The following ABCB1 variants were observed in gnomAD, a reference collection of about 807,000 sequenced individuals.
ABCB1 encodes the protein ATP-dependent translocase ABCB1.
ABCB1 carries 69 observed loss-of-function variants against 142.0 expected under a neutral mutation model. The ratio of observed to expected loss-of-function variants is 0.49; its 90% confidence interval spans 0.40 to 0.59. The LOEUF (loss-of-function observed/expected upper bound fraction) is 0.59, where lower values mean the gene tolerates loss of function less well. Ranked by LOEUF, ABCB1 falls within the 20% of genes least tolerant of loss-of-function variation. ABCB1 has a pLI of 0.00. For synonymous variants in ABCB1, 532 were observed against 539.2 expected, an observed-to-expected ratio of 0.99 and a Z score of 0.18; for missense variants, 1,326 against 1,554.7, an observed-to-expected ratio of 0.85 and a Z score of 2.47.
intron 3 of ABCB1, among the ~76,000 whole-genome samples, chr7:87,589,810 G>GAGAGAGAGAC (rs1818914383): frequency 1.4e-5 from 2 of 141,822 alleles, no homozygotes; most frequent in Non-Finnish European, 3.1e-5. Flanking sequence ...AGAGAGGAGA[G>GAGAGAGAGAC]AGAGAGAGAG....
intron 4 of ABCB1, among the ~76,000 whole-genome samples, chr7:87,573,476 G>T (rs1214052345): frequency 6.6e-6 from 1 of 152,122 alleles, no homozygotes; most frequent in Non-Finnish European, 1.5e-5. Context: ...CCTCTTCACA[G>T]TTAATGCTCT....
chr7:87,523,896 A>T (rs531881677), intron 21 of ABCB1, among the ~76,000 whole-genome samples: 1 of 152,292 alleles, frequency 6.6e-6, no homozygotes, highest in South Asian at 2.1e-4. Context: ...TTTAAGAGAA[A>T]TAACTTCCAG....
intron 14 of ABCB1, among the ~76,000 whole-genome samples, chr7:87,548,406 G>T (rs558742650): frequency 1.1e-3 from 175 of 152,202 alleles, no homozygotes; most frequent in African/African-American, 4.2e-3. Flanking sequence ...AAAACACAGA[G>T]ATGAAATCAC....
chr7:87,684,746 C>CAA lies in ABCB1; in HGVS notation c.-331+28413_-331+28414dup, dbSNP rs71524694. Among the ~76,000 whole-genome samples, 90 of 37,776 alleles carry CAA rather than the reference C, an allele frequency of 2.4e-3. 17 individuals carry two copies. The highest frequency in any genetic ancestry group is 0.025 in the Middle Eastern group (1 of 40). The allele number at this position is 37,776 out of a possible 152,430, so 24.8% of individuals were successfully genotyped here. On this transcript the variant is annotated intron_variant, in intron 1 of 28. Transcript: ENST00000265724. Reference sequence around the variant, plus strand: ...CTGGTGACAGAGTGAGACTCCGTCTCAAAAAAAAAAAAAAAAAAAAAAAAA... The same window carrying CAA: ...CTGGTGACAGAGTGAGACTCCGTCTCAAAAAAAAAAAAAAAAAAAAAAAAAAA...
At chr7:87,638,666 T>C (rs1822090908) in intron 1 of ABCB1, among the ~76,000 whole-genome samples, 1 of 152,070 alleles carries the variant, frequency 6.6e-6, no homozygotes, top group South Asian at 2.1e-4. Flanking sequence ...CTTTTTATTG[T>C]TTGAAAGATC....
At chr7:87,548,460 C>A (rs1001071492) in intron 14 of ABCB1, among the ~76,000 whole-genome samples, 5 of 152,288 alleles carry the variant, frequency 3.3e-5, no homozygotes, top group Admixed American at 3.3e-4. Context: ...AGAATCCCAT[C>A]GGCCTCTATT....
intron 4 of ABCB1, among the ~76,000 whole-genome samples, chr7:87,579,757 G>A (rs969879773): frequency 6.6e-5 from 10 of 151,868 alleles, no homozygotes; most frequent in African/African-American, 2.4e-4. Flanking sequence ...TTTAGTGAAG[G>A]TGATCTTCTC....
intron 1 of ABCB1, among the ~76,000 whole-genome samples, chr7:87,610,813 T>C (rs568802573): frequency 1.3e-5 from 2 of 152,342 alleles, no homozygotes; most frequent in East Asian, 3.9e-4. Context: ...TGCCCCCACA[T>C]TGGCTTCTCA....
chr7:87,615,639 A>G (rs1281052237), intron 1 of ABCB1, among the ~76,000 whole-genome samples: 1 of 152,228 alleles, frequency 6.6e-6, no homozygotes, highest in Non-Finnish European at 1.5e-5. Flanking sequence ...AAAAGTGCTT[A>G]GACTCTGGAT....
chr7:87,611,616 C>T (rs1199901997), intron 1 of ABCB1, among the ~76,000 whole-genome samples: 1 of 151,186 alleles, frequency 6.6e-6, no homozygotes, highest in Non-Finnish European at 1.5e-5. Flanking sequence ...TTTATCCAAT[C>T]CACTGTTAAT....
intron 3 of ABCB1, among the ~76,000 whole-genome samples, chr7:87,590,000 T>G (rs1466682689): frequency 6.6e-6 from 1 of 152,170 alleles, no homozygotes; most frequent in Non-Finnish European, 1.5e-5. Context: ...TAGAAGGTAC[T>G]GACAGGAGAG....
intron 1 of ABCB1, among the ~76,000 whole-genome samples, chr7:87,626,171 ATAT>A (rs1180204465): frequency 3.0e-5 from 4 of 135,270 alleles, no homozygotes; most frequent in Non-Finnish European, 4.7e-5. Context: ...TGTGTCATAT[ATAT>A]TGTCATATAT....
intron 1 of ABCB1, among the ~76,000 whole-genome samples, chr7:87,609,168 C>T (rs1285780110): frequency 6.6e-6 from 1 of 151,868 alleles, no homozygotes; most frequent in Admixed American, 6.6e-5. Flanking sequence ...GTGGAAGTAC[C>T]AGGTGGGCAA....
In ABCB1 at chr7:87,566,105, GA is replaced by G; in HGVS notation, c.666del (p.Pro223LeufsTer23). On this transcript the variant is annotated frameshift_variant, in exon 7 of 28. Transcript: ENST00000622132. LOFTEE classifies it high-confidence loss of function. The stretch of plus-strand genomic sequence containing the variant: ...ACAGCAGCTGACAGTCCAAGAACAG[GA>G]CTGATGGCCAAAATCACAAGGGTTA... The part of the protein sequence containing the change: ...WKLTLVILAI[S>X]PVLGLSAAVW... 6.2e-7 allele frequency: 1 copy of G among 1,614,184 alleles called. No homozygotes were observed. The highest frequency in any genetic ancestry group is 8.5e-7 in the Non-Finnish European group (1 of 1,180,032).
intron 25 of ABCB1, among the ~76,000 whole-genome samples, chr7:87,510,925 C>T (rs892137544): frequency 1.3e-4 from 20 of 152,154 alleles, no homozygotes; most frequent in African/African-American, 3.9e-4. Context: ...AGATAAAACA[C>T]TGTACTTGAG....
At chr7:87,690,244 TGAA>T (rs1374818823) in intron 1 of ABCB1, among the ~76,000 whole-genome samples, 3 of 152,264 alleles carry the variant, frequency 2.0e-5, no homozygotes, top group Admixed American at 1.3e-4. Flanking sequence ...TTTAATTTGA[TGAA>T]GAGTATTTTC....
At chr7:87,589,727 G>C (rs1273623880) in intron 3 of ABCB1, among the ~76,000 whole-genome samples, 2 of 151,686 alleles carry the variant, frequency 1.3e-5, no homozygotes, top group Non-Finnish European at 2.9e-5. Flanking sequence ...TGAACCTGCA[G>C]TGAGCTGTGA....
chr7:87,582,709 A>G (rs1472004384), intron 4 of ABCB1, among the ~76,000 whole-genome samples: 4 of 152,266 alleles, frequency 2.6e-5, no homozygotes, highest in Non-Finnish European at 5.9e-5. Flanking sequence ...CATTCATAAA[A>G]TGTAAATGAA....
chr7:87,612,522 C>A (rs1014333975), intron 1 of ABCB1, among the ~76,000 whole-genome samples: 3 of 152,024 alleles, frequency 2.0e-5, no homozygotes, highest in Non-Finnish European at 4.4e-5. Context: ...ATAGGGTGTC[C>A]TTTCCCCAAT....
Sources: gnomAD v4.1 joint callset for allele counts (sites outside exome capture counted in the v4.1 genomes callset) on GRCh38, gnomAD v4.1.1 for gene constraint, MANE v1.5 for transcripts, NCBI Gene and HGNC (gene_info 2026-07-23, HGNC 2026-07-21) for gene names.